Variants in FUT8 observed in about 807,000 individuals in gnomAD.
FUT8 encodes alpha-(1,6)-fucosyltransferase.
In FUT8, 29 loss-of-function variants were observed where a neutral mutation model predicts 71.3. The ratio of observed to expected loss-of-function variants is 0.41; its 90% CI spans 0.30 to 0.55. The LOEUF (loss-of-function observed/expected upper bound fraction) is 0.55, where lower values mean the gene tolerates loss of function less well. Among genes scored for constraint, FUT8 ranks in the 20% least tolerant of loss-of-function variants. The pLI, the probability that FUT8 is intolerant of heterozygous loss-of-function variation, is 0.34. For missense variants in FUT8, 544 were observed against 702.1 expected (o/e 0.77, Z 2.55); for synonymous variants, 254 against 239.3 (o/e 1.06, Z -0.57).
At position 65,616,239 on chromosome 14, in the gene FUT8, G is replaced by A; in HGVS notation, c.348G>A (p.Arg116=). ...NGLGKDHEIL[R]RRIENGAKEL... ...TGGGGAAGGATCATGAAATCCTGAG[G>A]AGGAGGATTGAAAATGGAGCTAAAG... The change falls in exon 5 of 11, where the codon AGG becomes AGA. Residue 116 remains arginine, a synonymous_variant. Transcript: ENST00000673929. The A allele has an allele frequency of 6.2e-7, 1 of 1,610,056 alleles. No homozygotes were observed. The highest frequency in any genetic ancestry group is 8.5e-7 in the Non-Finnish European group (1 of 1,178,292).
At chr14:65,552,754 C>A (rs896352292) in intron 2 of FUT8, among the ~76,000 whole-genome samples, 5 of 152,146 alleles carry the variant, frequency 3.3e-5, no homozygotes, top group Admixed American at 6.5e-5. Context: ...ATTATACTTT[C>A]ATTTTTTAAT....
At chr14:65,400,239 C>T in the FUT8 span, among the ~76,000 whole-genome samples, 4 of 152,132 alleles carry the variant, frequency 2.6e-5, no homozygotes, top group African/African-American at 4.8e-5. Flanking sequence ...ACTATTCAAC[C>T]GTGCCCCAAA....
intron 2 of FUT8, among the ~76,000 whole-genome samples, chr14:65,490,677 A>T (rs944943194): frequency 1.3e-5 from 2 of 152,144 alleles, no homozygotes; most frequent in Non-Finnish European, 2.9e-5. Flanking sequence ...CTAAATACAC[A>T]TCTATGTCAC....
intron 1 of FUT8, among the ~76,000 whole-genome samples, chr14:65,425,028 C>T (rs2065361015): frequency 6.6e-6 from 1 of 151,960 alleles, no homozygotes; most frequent in South Asian, 2.1e-4. Flanking sequence ...CACAAACCTC[C>T]CCCAAATTTA....
intron 6 of FUT8, among the ~76,000 whole-genome samples, chr14:65,651,399 T>C (rs904753109): frequency 6.6e-6 from 1 of 152,254 alleles, no homozygotes; most frequent in African/African-American, 2.4e-5. Context: ...TGACATTTGA[T>C]TCACAGCCCA....
chr14:65,738,047 T>C (rs1168737211), intron 10 of FUT8, among the ~76,000 whole-genome samples: 3 of 152,188 alleles, frequency 2.0e-5, no homozygotes, highest in Admixed American at 2.0e-4. Context: ...TCCCAAGGTG[T>C]GAACTCTGTG....
intron 6 of FUT8, among the ~76,000 whole-genome samples, chr14:65,668,561 A>AG (rs1892323992): frequency 6.6e-6 from 1 of 152,150 alleles, no homozygotes; most frequent in South Asian, 2.1e-4. Flanking sequence ...TGCAGAGAAA[A>AG]GGGGCATTTA....
At chr14:65,429,857 G>A (rs1321792383) in intron 1 of FUT8, among the ~76,000 whole-genome samples, 1 of 59,824 alleles carries the variant, frequency 1.7e-5, no homozygotes, top group Admixed American at 2.7e-4. Flanking sequence ...GAGTGAGACT[G>A]TCTCAAAAAA....
chr14:65,440,639 A>T (rs2065640542), intron 1 of FUT8, among the ~76,000 whole-genome samples: 1 of 151,930 alleles, frequency 6.6e-6, no homozygotes, highest in Non-Finnish European at 1.5e-5. Flanking sequence ...TCTATTTGCC[A>T]ATTAAAATGA....
rs2066362912 is a variant in FUT8, at chr14:65,483,523, T to G, written c.-228+27805T>G. 6.6e-6 allele frequency among the ~76,000 whole-genome samples: 1 copy of G among 152,226 alleles called. No homozygotes were observed. The highest frequency in any genetic ancestry group is 1.5e-5 in the Non-Finnish European group (1 of 68,036). On this transcript the variant is annotated intron_variant, in intron 2 of 10. Transcript: ENST00000673929. This position sits in a 1 kb window ranked among gnomAD's most constrained non-coding sequence, Gnocchi z 4.4. ...GAATTGCATCGAATCTATAGATGAA[T>G]TTGAGGGACAGTTGACATCTTAACG...
chr14:65,555,178 A>G (rs1337366867), intron 2 of FUT8, among the ~76,000 whole-genome samples: 1 of 152,220 alleles, frequency 6.6e-6, no homozygotes, highest in Non-Finnish European at 1.5e-5. Context: ...TATGCCTCAC[A>G]TAGCCTAAGA....
intron 1 of FUT8, among the ~76,000 whole-genome samples, chr14:65,415,490 C>T (rs2065206318): frequency 6.6e-6 from 1 of 152,028 alleles, no homozygotes; most frequent in Admixed American, 6.5e-5. Context: ...TTTTCTTAAC[C>T]TTCTTGTCCT....
intron 2 of FUT8, among the ~76,000 whole-genome samples, chr14:65,516,868 T>C (rs143367371): frequency 2.7e-4 from 41 of 151,780 alleles, no homozygotes; most frequent in Non-Finnish European, 5.4e-4. Flanking sequence ...TACATAATAA[T>C]TCCCCGTTAC....
At chr14:65,677,635 A>AT (rs1190226103) in intron 7 of FUT8, among the ~76,000 whole-genome samples, 3 of 152,174 alleles carry the variant, frequency 2.0e-5, no homozygotes, top group Admixed American at 1.3e-4. Context: ...GGTATAAATA[A>AT]TGGGCACATT....
At chr14:65,553,987 T>C (rs1293657039) in intron 2 of FUT8, among the ~76,000 whole-genome samples, 2 of 152,108 alleles carry the variant, frequency 1.3e-5, no homozygotes, top group Non-Finnish European at 2.9e-5. Flanking sequence ...TTTAAATGTA[T>C]TTTCTTCTCT....
chr14:65,370,781 C>A, the FUT8 span, among the ~76,000 whole-genome samples: 102 of 152,122 alleles, frequency 6.7e-4, no homozygotes, highest in African/African-American at 2.4e-3. Context: ...AAGAGAAAAA[C>A]AAACCGTTTA....
At chr14:65,645,228 G>A (rs1360302665) in intron 6 of FUT8, among the ~76,000 whole-genome samples, 1 of 152,056 alleles carries the variant, frequency 6.6e-6, no homozygotes, top group African/African-American at 2.4e-5. Flanking sequence ...TTGACTCCAG[G>A]ATGAAAAAAG....
At chr14:65,644,112 C>T (rs1358327025) in intron 6 of FUT8, among the ~76,000 whole-genome samples, 3 of 152,042 alleles carry the variant, frequency 2.0e-5, no homozygotes, top group South Asian at 2.1e-4. Context: ...TGAGTTCCAG[C>T]GAAGCAAGAA....
intron 7 of FUT8, among the ~76,000 whole-genome samples, chr14:65,690,212 G>A (rs1315795395): frequency 6.6e-6 from 1 of 152,028 alleles, no homozygotes; most frequent in African/African-American, 2.4e-5. Context: ...GTCTTTTTCT[G>A]GGATCTTCTG....
Sources: allele counts gnomAD v4.1 joint callset (sites outside exome capture counted in the v4.1 genomes callset), GRCh38; gene constraint gnomAD v4.1.1; non-coding constraint Gnocchi (gnomAD v3.1); transcripts MANE v1.5; gene names NCBI Gene and HGNC (gene_info 2026-07-23, HGNC 2026-07-21).